MTFR1L: variants seen among roughly 807,000 people sequenced by gnomAD.
The protein encoded by MTFR1L is mitochondrial fission regulator 1-like.
Under a neutral mutation model 27.9 loss-of-function variants are expected in MTFR1L, and 10 were observed. The ratio of observed to expected loss-of-function variants is 0.36; its 90% CI spans 0.22 to 0.61. The LOEUF (loss-of-function observed/expected upper bound fraction) is 0.61, where lower values mean the gene tolerates loss of function less well. Among genes scored for constraint, MTFR1L ranks in the 20% least tolerant of loss-of-function variants. MTFR1L has a pLI of 0.73. For missense variants in MTFR1L, 315 were observed against 363.7 expected (o/e 0.87, Z 1.09); for synonymous variants, 151 against 139.4 (o/e 1.08, Z -0.58).
At position 25,829,740 on chromosome 1, in the gene MTFR1L, A is replaced by G. The variant is rs2048213519; in HGVS notation, c.683A>G (p.Asp228Gly). 1 of 1,613,646 alleles carries G rather than the reference A, an allele frequency of 6.2e-7. No homozygotes were observed. Among genetic ancestry groups the G allele is most frequent in the Non-Finnish European group, 8.5e-7 (1 of 1,180,030 alleles). The change falls in exon 6 of 7, where the codon GAT (aspartate) becomes GGT (glycine). Residue 228 changes from aspartate to glycine, a missense_variant. By Grantham distance (94) the Asp-to-Gly change is moderately conservative. Coordinates refer to ENST00000374303, the MANE Select transcript of MTFR1L (RefSeq NM_001099625.2). ...HKAACSSSEEDDCVSLSKASS... is the reference protein window; with the variant it reads ...HKAACSSSEEGDCVSLSKASS... Reference sequence around the variant, plus strand: ...GCTGCCTGCAGTTCGTCTGAAGAGGATGACTGCGTCTCTTTGTCCAAGGCC... The same window carrying G: ...GCTGCCTGCAGTTCGTCTGAAGAGGGTGACTGCGTCTCTTTGTCCAAGGCC...
chr1:25,825,260 A>T (rs909322785), intron 3 of MTFR1L, among the ~76,000 whole-genome samples: 3 of 152,128 alleles, frequency 2.0e-5, no homozygotes, highest in African/African-American at 7.2e-5. Flanking sequence ...ATATGCATTT[A>T]TTATTATTAT....
In MTFR1L at chr1:25,829,594, C is replaced by G. The variant is rs1387856194; in HGVS notation, c.537C>G (p.His179Gln). ...TACCTTGTTTTGGATCCTCATTCCA[C>G]TCTACAACTTCCTTTGTCATTAGTG... ...SPLPCFGSSF[H>Q]STTSFVISDI... Residue 179 changes from histidine to glutamine, a missense_variant, in exon 6 of 7, where the codon CAC becomes CAG. Physicochemically the swap from His to Gln is conservative, Grantham distance 24. Transcript: ENST00000374303. 1 of 1,614,256 alleles carries G rather than the reference C, an allele frequency of 6.2e-7. No individual in the cohort carries two copies. The highest frequency in any genetic ancestry group is 1.7e-5 in the Admixed American group (1 of 60,034).
Position 25,819,998 on chromosome 1 carries a change from G to A in MTFR1L, c.-118G>A. 5.9e-6 allele frequency: 2 copies of A among 341,840 alleles called. No homozygotes were observed. Among genetic ancestry groups the A allele is most frequent in the South Asian group, 4.3e-5 (2 of 46,746 alleles). The allele number at this position is 341,840 out of a possible 1,614,324, so 21.2% of individuals were successfully genotyped here. A position where few individuals can be genotyped will look rare whatever the true frequency, so the allele number is the denominator to read the frequency against. On this transcript the variant is annotated 5_prime_UTR_variant, in exon 1 of 7. Coordinates refer to ENST00000374303, the MANE Select transcript of MTFR1L (RefSeq NM_001099625.2). The stretch of plus-strand genomic sequence containing the variant: ...GGCCCAAGGTGGAAGGAGGGGCCGT[G>A]AGGTGAGAGAGTCCGGGAGCCCGAG...
At chr1:25,823,416 C>G in intron 2 of MTFR1L, 1 of 748,938 alleles carries the variant, frequency 1.3e-6, no homozygotes, top group South Asian at 1.5e-5. Context: ...ACCCTCCCAA[C>G]ATTGACTGCC....
At chr1:25,829,855 G>GT in intron 6 of MTFR1L, 25 bp downstream of exon 6, 1 of 1,566,334 alleles carries the variant, frequency 6.4e-7, no homozygotes, top group Non-Finnish European at 8.6e-7. Context: ...AGGAGCTCTG[G>GT]TATCTATTTA....
chr1:25,827,871 G>A (rs1433706164), intron 5 of MTFR1L, among the ~76,000 whole-genome samples: 5 of 151,840 alleles, frequency 3.3e-5, no homozygotes, highest in Non-Finnish European at 4.4e-5. Flanking sequence ...GATTATAGGC[G>A]CATGCCACCA....
chr1:25,831,734 GAGTGACT>G (rs1197815054), intron 6 of MTFR1L, among the ~76,000 whole-genome samples, 180 bp from the exon 7 acceptor site: 3 of 152,200 alleles, frequency 2.0e-5, no homozygotes, highest in Non-Finnish European at 4.4e-5. Flanking sequence ...CTTACTTGCT[GAGTGACT>G]AGTGACCTTG....
At chr1:25,821,790 A>G (rs569699154) in intron 1 of MTFR1L, 1 of 152,314 alleles carries the variant, frequency 6.6e-6, no homozygotes, top group Non-Finnish European at 1.5e-5. Flanking sequence ...ACAGGGCACT[A>G]GGGCCAGAGC....
In MTFR1L at chr1:25,826,700, G is replaced by A. The variant is rs374172563; in HGVS notation, c.325G>A (p.Gly109Arg). The stretch of plus-strand genomic sequence containing the variant: ...CAATGCCTCTGTTCCCAACCTGCGT[G>A]GGTCCGAGGAGAGGCTTCTGGCCCT... ...QRNASVPNLR[G>R]SEERLLALKK... The change falls in exon 5 of 7, where the codon GGG becomes AGG. Residue 109 changes from glycine to arginine, a missense_variant. Gly to Arg is a moderately radical substitution (Grantham distance 125). Coordinates refer to ENST00000374303, the MANE Select transcript of MTFR1L (RefSeq NM_001099625.2). The surrounding 1 kb of genome is among the most constrained non-coding windows in gnomAD (Gnocchi z 4.1). 6.2e-7 allele frequency: 1 copy of A among 1,614,080 alleles called. No individual in the cohort carries two copies. Among genetic ancestry groups the A allele is most frequent in the African/African-American group, 1.3e-5 (1 of 74,946 alleles).
Position 25,826,405 on chromosome 1 carries a change from G to A in MTFR1L, c.233G>A (p.Arg78Gln), listed in dbSNP as rs762053080. The change falls in exon 4 of 7, where the codon CGG (arginine) becomes CAG (glutamine). Residue 78 changes from arginine to glutamine, a missense_variant. Arg to Gln is a conservative substitution (Grantham distance 43). Coordinates refer to ENST00000374303, the MANE Select transcript of MTFR1L (RefSeq NM_001099625.2). The surrounding 1 kb of genome is among the most constrained non-coding windows in gnomAD (Gnocchi z 4.1). ...IAADEEETYA[R>Q]VRSDTRPLRH... is the part of the protein sequence containing the mutation. ...GCGGATGAAGAGGAGACATATGCCC[G>A]GGTCAGGTAGTTGAGGCAGTAGCTG... 1.9e-6 allele frequency: 3 copies of A among 1,614,142 alleles called. No homozygotes were observed. Among genetic ancestry groups the A allele is most frequent in the Non-Finnish European group, 8.5e-7 (1 of 1,180,014 alleles).
At chr1:25,830,229 G>C (rs2048220296) in intron 6 of MTFR1L, among the ~76,000 whole-genome samples, 1 of 152,128 alleles carries the variant, frequency 6.6e-6, no homozygotes, top group African/African-American at 2.4e-5. Flanking sequence ...TTTTTTGGTG[G>C]GAGGAGAATT....
At chr1:25,820,163 C>T in intron 1 of MTFR1L, 134 bp downstream of exon 1, 1 of 452,874 alleles carries the variant, frequency 2.2e-6, no homozygotes, top group South Asian at 1.6e-5. Context: ...GGAGCCGCAG[C>T]TGTCCGTCTC....
chr1:25,820,411 C>G (rs931866778), intron 1 of MTFR1L: 2 of 446,158 alleles, frequency 4.5e-6, no homozygotes, highest in Admixed American at 4.8e-5. Context: ...CGACCTTGGC[C>G]CAGGTCGGGT....
At chr1:25,827,282 T>G (rs2048181150) in intron 5 of MTFR1L, among the ~76,000 whole-genome samples, 1 of 150,384 alleles carries the variant, frequency 6.6e-6, no homozygotes, top group Non-Finnish European at 1.5e-5. Flanking sequence ...ACTACAGGGG[T>G]GTGCCACCAG....
intron 2 of MTFR1L, 123 bp from the exon 3 acceptor site, chr1:25,823,521 C>T (rs2048126989): frequency 6.8e-6 from 10 of 1,471,210 alleles, no homozygotes; most frequent in Non-Finnish European, 8.4e-6. Flanking sequence ...TGACTTGCCC[C>T]TAGAGAGTGC....
chr1:25,827,224 C>T (rs891206098), intron 5 of MTFR1L, among the ~76,000 whole-genome samples: 2 of 151,982 alleles, frequency 1.3e-5, no homozygotes, highest in African/African-American at 2.4e-5. Context: ...TGCACTCTGC[C>T]TCCCAGGTGC....
At chr1:25,823,508 A>G in intron 2 of MTFR1L, 136 bp from the exon 3 acceptor site, 1 of 1,382,466 alleles carries the variant, frequency 7.2e-7, no homozygotes, top group African/African-American at 1.4e-5. Flanking sequence ...TATAATTGAG[A>G]GTTGACTTGC....
chr1:25,820,343 C>T (rs774452362), intron 1 of MTFR1L: 24 of 455,722 alleles, frequency 5.3e-5, no homozygotes, highest in Non-Finnish European at 8.8e-6. Flanking sequence ...GGCTTCCGCG[C>T]ACTCGGGTCC....
chr1:25,822,696 T>G, intron 1 of MTFR1L: 1 of 367,878 alleles, frequency 2.7e-6, no homozygotes, highest in Non-Finnish European at 4.9e-6. Context: ...CTGGCTAATT[T>G]TTTGTATTTT....
Sources: allele counts gnomAD v4.1 joint callset (sites outside exome capture counted in the v4.1 genomes callset), GRCh38; gene constraint gnomAD v4.1.1; non-coding constraint Gnocchi (gnomAD v3.1); transcripts MANE v1.5; gene names NCBI Gene and HGNC (gene_info 2026-07-23, HGNC 2026-07-21).